The following RIC1 variants were observed in gnomAD, a reference collection of about 807,000 sequenced individuals.
RIC1 encodes RIC1 partner of RAB6A GEF complex, also known as guanine nucleotide exchange factor subunit RIC1.
RIC1 carries 88 observed loss-of-function variants against 169.0 expected under a neutral mutation model. That is an observed-to-expected ratio of 0.52 (90% CI 0.44 to 0.62). RIC1 has a LOEUF of 0.62. RIC1 is among the 20% of genes least tolerant of loss of function. The pLI, the probability that RIC1 is intolerant of heterozygous loss-of-function variation, is 0.00. For synonymous variants in RIC1, 790 were observed against 601.5 expected (o/e 1.31, Z -4.59); for missense variants, 1,877 against 1,725.5 (o/e 1.09, Z -1.56).
intron 3 of RIC1, among the ~76,000 whole-genome samples, chr9:5,697,199 C>G (rs148158635): frequency 6.6e-6 from 1 of 152,364 alleles, no homozygotes; most frequent in African/African-American, 2.4e-5. Flanking sequence ...ATAGCTGCTT[C>G]TGCTTCTCTG....
intron 3 of RIC1, among the ~76,000 whole-genome samples, chr9:5,701,078 G>C (rs1453271934): frequency 6.6e-6 from 1 of 152,088 alleles, no homozygotes; most frequent in East Asian, 1.9e-4. Flanking sequence ...TATGACTTAA[G>C]TTGGCTGGGT....
At chr9:5,724,032 C>G (rs4352902) in intron 6 of RIC1, among the ~76,000 whole-genome samples, 66,110 of 151,124 alleles carry the variant, frequency 0.44, 15,576 homozygotes, top group East Asian at 0.85. Flanking sequence ...GGATTGTCTT[C>G]GCAATGCAGG....
intron 2 of RIC1, among the ~76,000 whole-genome samples, chr9:5,670,492 G>T (rs1299228282): frequency 6.6e-6 from 1 of 152,146 alleles, no homozygotes. Context: ...TAGCTGTTGG[G>T]AGAGTTGGTC....
intron 2 of RIC1, among the ~76,000 whole-genome samples, chr9:5,683,587 G>A (rs1820997100): frequency 6.6e-6 from 1 of 152,346 alleles, no homozygotes; most frequent in African/African-American, 2.4e-5. Flanking sequence ...ATGCTACTCA[G>A]GGGTCAGGGA....
Position 5,763,219 on chromosome 9 carries a change from G to T in RIC1, c.2192G>T (p.Arg731Leu). 1 of 1,614,042 alleles carries T rather than the reference G, an allele frequency of 6.2e-7. No homozygotes were observed. Among genetic ancestry groups the T allele is most frequent in the East Asian group, 2.2e-5 (1 of 44,874 alleles). The change falls in exon 19 of 26, where the codon CGT (arginine) becomes CTT (leucine). Residue 731 changes from arginine (R) to leucine (L), a missense_variant. Transcript: ENST00000414202. The surrounding 1 kb of genome is among the most constrained non-coding windows in gnomAD (Gnocchi z 5.2). Reference protein sequence around the residue: ...WTTCRANKQKRHLLEALWLSC... With the variant: ...WTTCRANKQKLHLLEALWLSC... The stretch of plus-strand genomic sequence containing the variant: ...ACGTGTCGAGCAAATAAACAGAAAC[G>T]TCACCTTCTGGAGGCCCTCTGGCTG...
chr9:5,652,482 T>C (rs1043354392), intron 1 of RIC1, among the ~76,000 whole-genome samples: 2 of 152,184 alleles, frequency 1.3e-5, no homozygotes, highest in African/African-American at 2.4e-5. Context: ...TGGGATTGTT[T>C]TGTTGATTTC....
chr9:5,657,982 G>A (rs534156922), intron 2 of RIC1, among the ~76,000 whole-genome samples: 1 of 152,096 alleles, frequency 6.6e-6, no homozygotes, highest in African/African-American at 2.4e-5. Flanking sequence ...TACAATAGCA[G>A]ATTGAATTGA....
intron 1 of RIC1, among the ~76,000 whole-genome samples, chr9:5,631,406 T>C (rs1027884008): frequency 1.3e-5 from 2 of 152,096 alleles, no homozygotes; most frequent in Non-Finnish European, 2.9e-5. Flanking sequence ...TACTGTAGTA[T>C]GAGTGGTTAA....
chr9:5,677,993 C>T (rs373104552), intron 2 of RIC1, among the ~76,000 whole-genome samples: 1 of 151,838 alleles, frequency 6.6e-6, no homozygotes, highest in Non-Finnish European at 1.5e-5. Flanking sequence ...GCTATCCCTC[C>T]CCCCTGCCCC....
At chr9:5,731,179 A>T (rs1824351667) in intron 6 of RIC1, among the ~76,000 whole-genome samples, 1 of 152,140 alleles carries the variant, frequency 6.6e-6, no homozygotes, top group Admixed American at 6.5e-5. Flanking sequence ...TAAAGCAAGC[A>T]TACAAGTAGA....
At chr9:5,760,145 A>C (rs569564783) in intron 17 of RIC1, among the ~76,000 whole-genome samples, 2 of 152,358 alleles carry the variant, frequency 1.3e-5, no homozygotes, top group Admixed American at 6.5e-5. Flanking sequence ...AAAACTCTTC[A>C]ACAGCAAGAT....
rs190186251 is a variant in RIC1 at position 5,717,911 on chromosome 9, G to A, written c.441-2271G>A. Among the ~76,000 whole-genome samples, 531 of 151,368 alleles carry A rather than the reference G, an allele frequency of 3.5e-3. 1 individual carries two copies. The highest frequency in any genetic ancestry group is 0.01 in the Middle Eastern group (3 of 286). ...ATCCCAGCACTTTGGAGGCCAAGGT[G>A]GGTCGATCACCTGAGGTCAGGAGTT... On this transcript the variant is annotated intron_variant, in intron 4 of 25. Coordinates refer to ENST00000414202, the MANE Select transcript of RIC1 (RefSeq NM_020829.4).
intron 3 of RIC1, among the ~76,000 whole-genome samples, chr9:5,705,807 G>A (rs1231492763): frequency 6.6e-6 from 1 of 152,172 alleles, no homozygotes; most frequent in Non-Finnish European, 1.5e-5. Flanking sequence ...TCATTTTGAA[G>A]AAGTTCCCTT....
At chr9:5,768,332 T>C (rs1826941404) in intron 21 of RIC1, among the ~76,000 whole-genome samples, 1 of 151,890 alleles carries the variant, frequency 6.6e-6, no homozygotes. Flanking sequence ...TCAAGATGAG[T>C]CTGGGCAACA....
intron 9 of RIC1, 75 bp from the exon 10 acceptor site, chr9:5,743,614 T>TA (rs1198251368): frequency 8.2e-7 from 1 of 1,224,984 alleles, no homozygotes; most frequent in Non-Finnish European, 1.2e-6. Flanking sequence ...TTTGATTTTT[T>TA]AAAAAACACT....
chr9:5,682,672 G>A (rs542706167), intron 2 of RIC1, among the ~76,000 whole-genome samples: 184 of 151,486 alleles, frequency 1.2e-3, no homozygotes, highest in African/African-American at 4.1e-3. Context: ...TCTTTGTGGC[G>A]TTCTCTGTAT....
chr9:5,700,533 G>T (rs1376641977), intron 3 of RIC1, among the ~76,000 whole-genome samples: 1 of 151,742 alleles, frequency 6.6e-6, no homozygotes, highest in African/African-American at 2.4e-5. Context: ...CACTTTTAGA[G>T]GGGAATCTTA....
intron 2 of RIC1, among the ~76,000 whole-genome samples, chr9:5,677,137 C>A (rs534404856): frequency 6.6e-6 from 1 of 152,160 alleles, no homozygotes. Flanking sequence ...TTTACATTCC[C>A]GCTAGCAGTG....
intron 16 of RIC1, 33 bp from the exon 17 acceptor site, chr9:5,757,280 G>A: frequency 6.2e-7 from 1 of 1,611,386 alleles, no homozygotes; most frequent in South Asian, 1.1e-5. Context: ...TAGCATTGTT[G>A]TTGAGGTATG....
Sources: gnomAD v4.1 joint callset for allele counts (sites outside exome capture counted in the v4.1 genomes callset) on GRCh38, gnomAD v4.1.1 for gene constraint, Gnocchi (gnomAD v3.1) non-coding constraint, MANE v1.5 for transcripts, NCBI Gene and HGNC (gene_info 2026-07-23, HGNC 2026-07-21) for gene names.